The following MX2 variants were observed in gnomAD, a reference collection of about 807,000 sequenced individuals.
MX2 encodes the protein interferon-induced GTP-binding protein Mx2.
In MX2, 51 loss-of-function variants were observed where a neutral mutation model predicts 74.0. The observed-to-expected ratio is 0.69, with a 90% CI of 0.55 to 0.87. MX2 has a LOEUF of 0.87. Among genes scored for constraint, MX2 ranks in the 40% least tolerant of loss-of-function variants. The pLI is 0.00. For missense variants in MX2, 832 were observed against 908.7 expected, an observed-to-expected ratio of 0.92 and a Z score of 1.09; for synonymous variants, 369 against 339.3, an observed-to-expected ratio of 1.09 and a Z score of -0.96.
chr21:41,390,401 C>G lies in MX2; in HGVS notation c.733-164C>G, dbSNP rs912204299. 38 of 955,940 alleles carry G rather than the reference C, an allele frequency of 4.0e-5. 1 individual carries two copies. The East Asian group carries it at 8.7e-4, about 22-fold the overall frequency. 59.2% of individuals were successfully genotyped at this position (955,940 alleles called of 1,614,324 possible). On this transcript the variant is annotated intron_variant, in intron 5 of 13. Transcript: ENST00000330714. ...AGGTCATCAGAGACCAGGGCAGGGC[C>G]GCCGGGGCAGGCATTCCCAGGACGG...
intron 5 of MX2, among the ~76,000 whole-genome samples, chr21:41,384,520 C>T (rs1266092004): frequency 6.6e-6 from 1 of 152,182 alleles, no homozygotes; most frequent in Non-Finnish European, 1.5e-5. Context: ...CTTTGTTTCT[C>T]TACATTCTTT....
chr21:41,370,068 C>T (rs1038959464), intron 1 of MX2: 1 of 152,236 alleles, frequency 6.6e-6, no homozygotes. Context: ...GAGCTCCGCC[C>T]ACGACTTGCG....
At chr21:41,390,155 G>A (rs2089636883) in intron 5 of MX2, 1 of 190,050 alleles carries the variant, frequency 5.3e-6, no homozygotes, top group Non-Finnish European at 1.1e-5. Flanking sequence ...ACTCTGCATG[G>A]GGACACCAGG....
At chr21:41,393,127 A>AAAAAAAAAAAAAG (rs1568944000) in intron 6 of MX2, among the ~76,000 whole-genome samples, 5 of 141,968 alleles carry the variant, frequency 3.5e-5, no homozygotes, top group Non-Finnish European at 3.0e-5. Context: ...AAAAAAAAAA[A>AAAAAAAAAAAAAG]AAAAGAAAGA....
intron 10 of MX2, chr21:41,401,738 G>T: frequency 2.4e-6 from 1 of 413,322 alleles, no homozygotes; most frequent in Non-Finnish European, 4.3e-6. Context: ...TTGGGGTGAT[G>T]ACTTTCAATT....
intron 6 of MX2, among the ~76,000 whole-genome samples, chr21:41,393,455 G>A (rs1378509494): frequency 6.6e-6 from 1 of 152,026 alleles, no homozygotes; most frequent in East Asian, 1.9e-4. Context: ...CTCAGCAGCA[G>A]TCACCCCAGT....
chr21:41,374,179 C>T (rs914255318), intron 1 of MX2: 10 of 152,312 alleles, frequency 6.6e-5, no homozygotes, highest in African/African-American at 2.4e-4. Flanking sequence ...CGGTCAGCCC[C>T]ATTTTCTAGA....
In MX2 at chr21:41,393,065, C is replaced by T. The variant is rs557276110; in HGVS notation, c.871+2362C>T. On this transcript the variant is annotated intron_variant, in intron 6 of 13. Transcript: ENST00000330714. ...TTTGCAGTGAGCCGAGATTGCACCACTGCACTCCAGCCTGGTGACAGAGTG... is the reference window on the plus strand; with the variant it reads ...TTTGCAGTGAGCCGAGATTGCACCATTGCACTCCAGCCTGGTGACAGAGTG... Among the ~76,000 whole-genome samples, 48 of 134,444 alleles carry T rather than the reference C, an allele frequency of 3.6e-4. 1 individual carries two copies. Among genetic ancestry groups the T allele is most frequent in the Middle Eastern group, 9.4e-3 (2 of 212 alleles). 88.2% of individuals were successfully genotyped at this position (134,444 alleles called of 152,430 possible). A position where few individuals can be genotyped will look rare whatever the true frequency, so the allele number is the denominator to read the frequency against.
intron 12 of MX2, 67 bp downstream of exon 12, chr21:41,403,410 A>G: frequency 1.5e-6 from 2 of 1,326,412 alleles, no homozygotes; most frequent in Non-Finnish European, 2.2e-6. Flanking sequence ...GAGAAGTTGG[A>G]TATTCACTGT....
At chr21:41,377,703 A>G (rs2089424927) in intron 2 of MX2, 86 bp from the exon 3 acceptor site, 1 of 1,418,256 alleles carries the variant, frequency 7.1e-7, no homozygotes, top group Non-Finnish European at 9.7e-7. Flanking sequence ...CTAACATCAT[A>G]GCCGCACAAA....
intron 6 of MX2, among the ~76,000 whole-genome samples, chr21:41,394,162 C>T (rs1460635757): frequency 6.6e-6 from 1 of 152,216 alleles, no homozygotes; most frequent in Non-Finnish European, 1.5e-5. Flanking sequence ...GGGTCATGCC[C>T]CTCTCTGTTT....
intron 7 of MX2, 98 bp from the exon 8 acceptor site, chr21:41,397,515 C>A: frequency 2.9e-6 from 3 of 1,051,440 alleles, no homozygotes; most frequent in Non-Finnish European, 4.3e-6. Context: ...GCACGTGTTG[C>A]CCCGGGGAGC....
At chr21:41,401,935 C>T (rs2089819869) in intron 10 of MX2, 35 bp from the exon 11 acceptor site, 2 of 1,597,776 alleles carry the variant, frequency 1.3e-6, no homozygotes, top group Non-Finnish European at 8.5e-7. Context: ...GCAGAATTAG[C>T]AGAATTCACC....
rs146569244 is a variant in MX2 at position 41,393,657 on chromosome 21, C to T, written c.872-1930C>T. On this transcript the variant is annotated intron_variant, in intron 6 of 13. Coordinates refer to ENST00000330714, the MANE Select transcript of MX2 (RefSeq NM_002463.2). ...TGGTTCTGGGCTCTCCTTCTATCAA[C>T]GCATCATCACATTAAGTGATCTTAT... Among the ~76,000 whole-genome samples the T allele has an allele frequency of 1.8e-3, 273 of 152,290 alleles. 1 individual carries two copies. The highest frequency in any genetic ancestry group is 6.2e-3 in the African/African-American group (257 of 41,554).
rs552642989 is a variant in MX2, at chr21:41,384,434, C to T, written c.732+1870C>T. ...GTTGGTTGAGACGGCAAAATTTTTC[C>T]GTTGTTGTAAATATTGGGGGAAATA... On this transcript the variant is annotated intron_variant, in intron 5 of 13. Transcript: ENST00000330714. Among the ~76,000 whole-genome samples, 14 of 152,270 alleles carry T rather than the reference C, an allele frequency of 9.2e-5. No individual in the cohort carries two copies. The East Asian group carries it at 1.3e-3, about 15-fold the overall frequency.
chr21:41,395,587 G>C lies in MX2; in HGVS notation c.872G>C (p.Gly291Ala), dbSNP rs147533543. Residue 291 changes from glycine (G) to alanine (A), a missense_variant and splice_region_variant, in exon 7 of 14, where the codon GGT becomes GCT. Transcript: ENST00000330714. The part of the protein sequence containing the change: ...EVDPEGDRTI[G>A]ILTKPDLMDR... The stretch of plus-strand genomic sequence containing the variant: ...TTTCCCTTCTTTAACCATCTCACAG[G>C]TATCCTGACCAAACCAGATCTAATG... The C allele has an allele frequency of 6.2e-7, 1 of 1,613,944 alleles. No homozygotes were observed. The highest frequency in any genetic ancestry group is 8.5e-7 in the Non-Finnish European group (1 of 1,179,956).
intron 1 of MX2, chr21:41,367,199 C>T (rs1247212098): frequency 1.3e-5 from 2 of 152,154 alleles, no homozygotes; most frequent in Admixed American, 1.3e-4. Flanking sequence ...CTAGCTTGGA[C>T]TTCTGCAAGG....
chr21:41,392,341 AG>A (rs1211295152), intron 6 of MX2, among the ~76,000 whole-genome samples: 1 of 152,242 alleles, frequency 6.6e-6, no homozygotes, highest in African/African-American at 2.4e-5. Flanking sequence ...CTCAAAAAGG[AG>A]GGAAATTCTG....
intron 1 of MX2, among the ~76,000 whole-genome samples, chr21:41,371,174 A>G (rs1378142152): frequency 1.3e-5 from 2 of 152,210 alleles, no homozygotes; most frequent in African/African-American, 2.4e-5. Flanking sequence ...AAGAAGTTCA[A>G]TCATTATCTG....
Sources: gnomAD v4.1 joint callset for allele counts (sites outside exome capture counted in the v4.1 genomes callset) on GRCh38, gnomAD v4.1.1 for gene constraint, MANE v1.5 for transcripts, NCBI Gene and HGNC (gene_info 2026-07-23, HGNC 2026-07-21) for gene names.